STAU1: variants seen among roughly 807,000 people sequenced by gnomAD.
STAU1 encodes double-stranded RNA-binding protein Staufen homolog 1.
A neutral mutation model predicts 62.9 loss-of-function variants in STAU1; 13 were observed. The observed-to-expected ratio is 0.21, with a 90% CI of 0.13 to 0.33. The LOEUF (loss-of-function observed/expected upper bound fraction) is 0.33. Ranked by LOEUF, STAU1 falls within the 10% of genes least tolerant of loss-of-function variation. The probability of loss-of-function intolerance (pLI) is 1.00; values close to 1 mark genes in which losing one functional copy is unlikely to be tolerated. For synonymous variants in STAU1, 269 were observed against 265.1 expected, an observed-to-expected ratio of 1.01 and a Z score of -0.14; for missense variants, 571 against 712.1, an observed-to-expected ratio of 0.80 and a Z score of 2.25.
intron 1 of STAU1, among the ~76,000 whole-genome samples, chr20:49,179,972 C>T (rs1319960811): frequency 2.0e-5 from 3 of 152,172 alleles, no homozygotes; most frequent in Non-Finnish European, 4.4e-5. Context: ...AAGCTCACAT[C>T]CAAAGGCAGA....
At chr20:49,206,751 A>ATATATATATT in the STAU1 span, among the ~76,000 whole-genome samples, 9 of 95,040 alleles carry the variant, frequency 9.5e-5, no homozygotes, top group East Asian at 3.0e-4. Context: ...ATATATATAT[A>ATATATATATT]TTTTATTTTA....
chr20:49,134,932 T>C, intron 6 of STAU1: 1 of 1,597,660 alleles, frequency 6.3e-7, no homozygotes, highest in Non-Finnish European at 8.6e-7. Flanking sequence ...TTTTCGACCC[T>C]AAGAATGATA....
At chr20:49,168,085 A>AT (rs3091970) in intron 2 of STAU1, among the ~76,000 whole-genome samples, 167 of 144,572 alleles carry the variant, frequency 1.2e-3, no homozygotes, top group South Asian at 2.2e-3. Context: ...TAAATTTTTA[A>AT]TTTTTTTTTT....
the STAU1 span, among the ~76,000 whole-genome samples, chr20:49,195,001 ATG>A: frequency 7.5e-3 from 1,138 of 152,318 alleles, 13 homozygotes; most frequent in African/African-American, 0.025. Flanking sequence ...TCCTGCAAGA[ATG>A]TTTGTATCAC....
upstream of STAU1, among the ~76,000 whole-genome samples, chr20:49,189,193 A>G (rs1391881987): frequency 8.8e-6 from 1 of 113,712 alleles, no homozygotes; most frequent in Non-Finnish European, 1.7e-5. Context: ...ACAAAGAGAC[A>G]CTGGTCTCAA....
chr20:49,212,347 T>C, the STAU1 span, among the ~76,000 whole-genome samples: 2 of 152,212 alleles, frequency 1.3e-5, no homozygotes, highest in Non-Finnish European at 2.9e-5. Context: ...AAATTTTGTT[T>C]ATTTTTCTAG....
the STAU1 span, among the ~76,000 whole-genome samples, chr20:49,211,363 T>C: frequency 6.7e-6 from 1 of 148,976 alleles, no homozygotes; most frequent in Non-Finnish European, 1.5e-5. Context: ...GTTCATATAG[T>C]AATTCTTTTT....
At chr20:49,165,867 T>A in intron 3 of STAU1, 130 bp downstream of exon 3, 1 of 853,236 alleles carries the variant, frequency 1.2e-6, no homozygotes, top group Non-Finnish European at 1.9e-6. Context: ...GATAAAGAAG[T>A]GTGGGTGGTG....
At chr20:49,153,344 T>C (rs2093292882) in intron 4 of STAU1, among the ~76,000 whole-genome samples, 1 of 149,450 alleles carries the variant, frequency 6.7e-6, no homozygotes. Flanking sequence ...GAGGACTCCT[T>C]GAGCCCAGAA....
At chr20:49,195,903 A>AAAAAAAAAAAAAAAAAG in the STAU1 span, among the ~76,000 whole-genome samples, 2,835 of 93,662 alleles carry the variant, frequency 0.03, 88 homozygotes, top group East Asian at 0.086. Flanking sequence ...CCTCTCAAAA[A>AAAAAAAAAAAAAAAAAG]AAAAAAAAAA....
chr20:49,192,634 A>G (rs1477205129), upstream of STAU1, among the ~76,000 whole-genome samples: 2 of 151,810 alleles, frequency 1.3e-5, no homozygotes, highest in South Asian at 2.1e-4. Flanking sequence ...CAACTCTACA[A>G]AAAAAGTACA....
chr20:49,151,639 A>C lies in STAU1; in HGVS notation c.453T>G (p.Asp151Glu). The C allele has an allele frequency of 6.2e-7, 1 of 1,612,588 alleles. No individual in the cohort carries two copies. Residue 151 changes from aspartate to glutamate, a missense_variant, in exon 5 of 14, where the codon GAT becomes GAG. Around this residue, in one of 3 missense-constraint regions of STAU1, gnomAD observed 414 missense variants for 499.6 expected, o/e 0.83. Coordinates refer to ENST00000371856, the MANE Select transcript of STAU1 (RefSeq NM_017453.4). Reference protein sequence around the residue: ...KGKTRQAAKHDAAAKALRILQ... With the variant: ...KGKTRQAAKHEAAAKALRILQ... ...GGATCCTCAACGCTTTGGCAGCAGC[A>C]TCGTGTTTCGCAGCCTGTCTTGTCT...
intron 3 of STAU1, among the ~76,000 whole-genome samples, chr20:49,163,920 A>T (rs1209585914): frequency 6.6e-6 from 1 of 151,652 alleles, no homozygotes; most frequent in Non-Finnish European, 1.5e-5. Flanking sequence ...GCACACCATC[A>T]AGCCCAGCTA....
At chr20:49,210,095 G>A in the STAU1 span, among the ~76,000 whole-genome samples, 8 of 152,070 alleles carry the variant, frequency 5.3e-5, no homozygotes, top group Admixed American at 2.6e-4. Context: ...AATTCGCTAC[G>A]CTTAGTTTTC....
At chr20:49,204,635 TATATATA>T in the STAU1 span, among the ~76,000 whole-genome samples, 6 of 62,614 alleles carry the variant, frequency 9.6e-5, no homozygotes, top group Non-Finnish European at 1.3e-4. Context: ...TGTATATATA[TATATATA>T]TATATTTTTT....
At chr20:49,139,964 T>C (rs905893063) in intron 5 of STAU1, among the ~76,000 whole-genome samples, 2 of 151,976 alleles carry the variant, frequency 1.3e-5, no homozygotes, top group Non-Finnish European at 2.9e-5. Context: ...GGCAGGCGGA[T>C]CACCTGAGGT....
chr20:49,204,592 TTATATATATATATATATATA>T, the STAU1 span, among the ~76,000 whole-genome samples: 3 of 45,644 alleles, frequency 6.6e-5, no homozygotes, highest in Non-Finnish European at 1.2e-4. Context: ...GGATTTTACA[TTATATATATATATATATATA>T]TATATATATA....
intron 8 of STAU1, among the ~76,000 whole-genome samples, chr20:49,121,095 A>G (rs2145853891): frequency 6.6e-6 from 1 of 151,674 alleles, no homozygotes; most frequent in East Asian, 2.0e-4. Flanking sequence ...CTTTCATCTT[A>G]CCTATTAACA....
At chr20:49,174,077 T>G (rs1437415478) in intron 2 of STAU1, 118 bp downstream of exon 2, 3 of 152,312 alleles carry the variant, frequency 2.0e-5, no homozygotes, top group Admixed American at 6.5e-5. Flanking sequence ...TGCATAAAAT[T>G]TGTTTCTCTA....
Sources: gnomAD v4.1 joint callset for allele counts (sites outside exome capture counted in the v4.1 genomes callset) on GRCh38, gnomAD v4.1.1 for gene constraint, gnomAD v4.1.1 regional missense constraint, MANE v1.5 for transcripts, NCBI Gene and HGNC (gene_info 2026-07-23, HGNC 2026-07-21) for gene names.